LRRFIP1: variants seen among roughly 807,000 people sequenced by gnomAD.
The protein encoded by LRRFIP1 is LRR binding FLII interacting protein 1.
In LRRFIP1, 62 loss-of-function variants were observed where a neutral mutation model predicts 104.4. The observed-to-expected ratio is 0.59, with a 90% confidence interval of 0.48 to 0.73. The LOEUF is 0.73. Among genes scored for constraint, LRRFIP1 ranks in the 30% least tolerant of loss-of-function variants. LRRFIP1 has a pLI of 0.00. For synonymous variants in LRRFIP1, 300 were observed against 299.0 expected, an observed-to-expected ratio of 1.00 and a Z score of -0.03; for missense variants, 796 against 824.5, an observed-to-expected ratio of 0.97 and a Z score of 0.42.
intron 1 of LRRFIP1, among the ~76,000 whole-genome samples, chr2:237,678,628 C>T (rs1318782173): frequency 1.3e-5 from 2 of 152,102 alleles, no homozygotes; most frequent in African/African-American, 4.8e-5. Context: ...GCCTCAGCCT[C>T]CTGAGTAGCT....
At chr2:237,686,627 C>T (rs1338753305) in intron 1 of LRRFIP1, among the ~76,000 whole-genome samples, 1 of 152,210 alleles carries the variant, frequency 6.6e-6, no homozygotes, top group Non-Finnish European at 1.5e-5. Flanking sequence ...GTTCAGTACC[C>T]AGGTCACAGG....
Position 237,719,560 on chromosome 2 carries a change from A to G in LRRFIP1, c.287A>G (p.Asn96Ser). 2 of 1,613,362 alleles carry G rather than the reference A, an allele frequency of 1.2e-6. No individual in the cohort carries two copies. Among genetic ancestry groups the G allele is most frequent in the African/African-American group, 1.3e-5 (1 of 75,028 alleles). Residue 96 changes from asparagine (N) to serine (S), a missense_variant, in exon 5 of 24, where the codon AAC (asparagine) becomes AGC (serine). Transcript: ENST00000308482. Reference sequence around the variant, plus strand: ...CGCTACTCTCGTAGATCCAGAAGAAACACATCGGTTAGTACCGTGTTCATT... The same window carrying G: ...CGCTACTCTCGTAGATCCAGAAGAAGCACATCGGTTAGTACCGTGTTCATT... The part of the protein sequence containing the change: ...SERYSRRSRR[N>S]TSASDEDERM...
At chr2:237,653,161 T>A (rs762989800) in intron 1 of LRRFIP1, among the ~76,000 whole-genome samples, 1 of 152,186 alleles carries the variant, frequency 6.6e-6, no homozygotes, top group Non-Finnish European at 1.5e-5. Flanking sequence ...ATCTCTTTTC[T>A]TCATAAATTA....
intron 2 of LRRFIP1, among the ~76,000 whole-genome samples, chr2:237,713,903 T>C (rs1032839257): frequency 1.3e-4 from 20 of 152,342 alleles, no homozygotes; most frequent in South Asian, 4.1e-4. Context: ...TCTGTACTTT[T>C]TGATTAAACT....
Position 237,779,646 on chromosome 2 carries a change from C to A in LRRFIP1, c.*114C>A. The A allele has an allele frequency of 1.0e-6, 1 of 959,690 alleles. No homozygotes were observed. The highest frequency in any genetic ancestry group is 1.6e-6 in the Non-Finnish European group (1 of 644,496). 59.4% of individuals were successfully genotyped at this position (959,690 alleles called of 1,614,324 possible). A position where few individuals can be genotyped will look rare whatever the true frequency, so the allele number is the denominator to read the frequency against. On this transcript the variant is annotated 3_prime_UTR_variant, in exon 24 of 24. Transcript: ENST00000308482. Reference sequence around the variant, plus strand: ...CCCCTGCCTTCCGAGAGACGAAGACCGTGGCGAGCTTGGCGCTTAGGGGCT... The same window carrying A: ...CCCCTGCCTTCCGAGAGACGAAGACAGTGGCGAGCTTGGCGCTTAGGGGCT...
At chr2:237,714,830 C>CT (rs2094260489) in intron 3 of LRRFIP1, among the ~76,000 whole-genome samples, 1 of 152,180 alleles carries the variant, frequency 6.6e-6, no homozygotes, top group Non-Finnish European at 1.5e-5. Context: ...AGTAAATACA[C>CT]TGGGCAGGCC....
intron 1 of LRRFIP1, among the ~76,000 whole-genome samples, chr2:237,646,550 C>T (rs568649915): frequency 1.2e-4 from 18 of 151,974 alleles, no homozygotes; most frequent in Non-Finnish European, 2.2e-4. Context: ...CACAAGCCCG[C>T]ATTCGTATTT....
At chr2:237,702,007 A>G (rs937836302) in intron 1 of LRRFIP1, among the ~76,000 whole-genome samples, 25 of 152,132 alleles carry the variant, frequency 1.6e-4, no homozygotes, top group Non-Finnish European at 2.9e-4. Context: ...TGCCTGGCAG[A>G]TGGGGCTCCC....
Position 237,675,930 on chromosome 2 carries a change from G to T in LRRFIP1, c.97-32614G>T, listed in dbSNP as rs536916304. ...TGCTGTAAAGCAGTAGGTTGACCTG[G>T]CCCTTTTCTTATAATGTAAAACTTT... On this transcript the variant is annotated intron_variant, in intron 1 of 23. Transcript: ENST00000308482. 2.2e-3 allele frequency among the ~76,000 whole-genome samples: 333 copies of T among 152,230 alleles called. 1 individual carries two copies. Among genetic ancestry groups the T allele is most frequent in the Middle Eastern group, 6.8e-3 (2 of 294 alleles).
At chr2:237,750,326 C>CTTTTTTT (rs928510240) in intron 13 of LRRFIP1, among the ~76,000 whole-genome samples, 87 of 60,676 alleles carry the variant, frequency 1.4e-3, no homozygotes, top group East Asian at 2.6e-3. Context: ...TTCTTTCTTT[C>CTTTTTTT]TTTTTTTTTT....
chr2:237,695,746 ATTTGTTT>A lies in LRRFIP1; in HGVS notation c.97-12787_97-12781del, dbSNP rs749419601. Reference sequence around the variant, plus strand: ...ACTGTTATTACTGGAGGCCGCCCAAATTTGTTTTTTGTTTTTTTTTTTTAAATAAAGA... The same window carrying A: ...ACTGTTATTACTGGAGGCCGCCCAAATTTGTTTTTTTTTTTTAAATAAAGA... On this transcript the variant is annotated intron_variant, in intron 1 of 23. Transcript: ENST00000308482. 4.5e-4 allele frequency among the ~76,000 whole-genome samples: 68 copies of A among 151,934 alleles called. No homozygotes were observed. In the Middle Eastern group the frequency reaches 0.01, roughly 23 times the overall value.
chr2:237,643,746 G>GAATC (rs974517158), intron 1 of LRRFIP1, among the ~76,000 whole-genome samples: 14 of 152,084 alleles, frequency 9.2e-5, no homozygotes, highest in Non-Finnish European at 1.9e-4. Flanking sequence ...ATGAATGAAT[G>GAATC]AATGAATGAA....
At chr2:237,692,961 A>AC (rs921185413) in intron 1 of LRRFIP1, among the ~76,000 whole-genome samples, 1 of 152,038 alleles carries the variant, frequency 6.6e-6, no homozygotes, top group Non-Finnish European at 1.5e-5. Context: ...GGAGCACTCA[A>AC]CCCGCTCAGC....
At chr2:237,769,589 G>A (rs7579052) in intron 19 of LRRFIP1, 106 of 229,294 alleles carry the variant, frequency 4.6e-4, no homozygotes, top group Non-Finnish European at 5.9e-4. Context: ...TGTGATTCTC[G>A]GTGTTTGTAC....
intron 16 of LRRFIP1, among the ~76,000 whole-genome samples, chr2:237,756,887 G>A (rs56396934): frequency 3.4e-3 from 523 of 152,280 alleles, no homozygotes; most frequent in Non-Finnish European, 5.0e-3. Context: ...TTATTTGATG[G>A]AACAAGCATC....
At chr2:237,714,051 TC>T (rs1249744484) in intron 2 of LRRFIP1, among the ~76,000 whole-genome samples, 1 of 152,188 alleles carries the variant, frequency 6.6e-6, no homozygotes, top group Non-Finnish European at 1.5e-5. Flanking sequence ...TGCCCCTATT[TC>T]CCCAATGTAT....
intron 1 of LRRFIP1, among the ~76,000 whole-genome samples, chr2:237,665,096 A>G (rs1212695225): frequency 6.6e-6 from 1 of 152,262 alleles, no homozygotes; most frequent in Non-Finnish European, 1.5e-5. Context: ...GCATTTAAAT[A>G]AGCTTCTTAC....
chr2:237,731,488 C>T (rs114758075), intron 8 of LRRFIP1, among the ~76,000 whole-genome samples: 3,964 of 151,896 alleles, frequency 0.026, 59 homozygotes, highest in Middle Eastern at 0.089. Context: ...AGCTGATGGC[C>T]CTTCTGTCCC....
At chr2:237,768,945 T>C (rs1023196245) in intron 19 of LRRFIP1, 2 of 152,092 alleles carry the variant, frequency 1.3e-5, no homozygotes, top group Non-Finnish European at 2.9e-5. Context: ...GGCGTGTGAG[T>C]TTGGATCTGG....
Sources: gnomAD v4.1 joint callset for allele counts (sites outside exome capture counted in the v4.1 genomes callset) on GRCh38, gnomAD v4.1.1 for gene constraint, MANE v1.5 for transcripts, NCBI Gene and HGNC (gene_info 2026-07-23, HGNC 2026-07-21) for gene names.